Variants in DDX47 observed in about 807,000 individuals in gnomAD.
The protein encoded by DDX47 is DEAD-box helicase 47.
A neutral mutation model predicts 58.8 loss-of-function variants in DDX47; 60 were observed. That is an observed-to-expected ratio of 1.02 (90% CI 0.83 to 1.26). DDX47 has a LOEUF of 1.26. DDX47 is among the 50% of genes most tolerant of loss of function. DDX47 has a pLI of 0.00. For synonymous variants in DDX47, 197 were observed against 204.6 expected, an observed-to-expected ratio of 0.96 and a Z score of 0.32; for missense variants, 530 against 573.2, an observed-to-expected ratio of 0.92 and a Z score of 0.77.
intron 4 of DDX47, 58 bp downstream of exon 4, chr12:12,821,784 A>T: frequency 1.4e-6 from 2 of 1,387,742 alleles, no homozygotes; most frequent in Non-Finnish European, 2.0e-6. Context: ...AAAATCTACC[A>T]GTGTTGGATA....
At chr12:12,826,157 A>G (rs1429064476) in intron 10 of DDX47, 87 bp downstream of exon 10, 2 of 1,056,326 alleles carry the variant, frequency 1.9e-6, no homozygotes, top group Non-Finnish European at 2.8e-6. Context: ...ACTACCATTT[A>G]CTACACTAAT....
intron 1 of DDX47, among the ~76,000 whole-genome samples, chr12:12,813,928 CT>C (rs1352271860): frequency 6.6e-6 from 1 of 152,170 alleles, no homozygotes; most frequent in Non-Finnish European, 1.5e-5. Flanking sequence ...AGCACCTGGC[CT>C]TGGCCTTGGT....
rs749342404 is a variant in DDX47 at position 12,829,478 on chromosome 12, A to C, written c.1292A>C (p.Asn431Thr). ...KKRSREDAGD[N>T]DDTEGAIGVR... ...CGCTCGCGAGAGGATGCTGGAGATA[A>C]TGATGACACAGAGGGTGCTATTGGT... is the stretch of plus-strand genomic sequence containing the variant. Residue 431 changes from asparagine (N) to threonine (T), a missense_variant, in exon 12 of 12, where the codon AAT (asparagine) becomes ACT (threonine). Physicochemically the swap from Asn to Thr is moderately conservative, Grantham distance 65. Coordinates refer to ENST00000358007, the MANE Select transcript of DDX47 (RefSeq NM_016355.4). The C allele has an allele frequency of 2.5e-5, 41 of 1,613,924 alleles. No individual in the cohort carries two copies. Among genetic ancestry groups the C allele is most frequent in the Non-Finnish European group, 3.4e-5 (40 of 1,179,962 alleles).
chr12:12,822,599 G>C, intron 5 of DDX47, 62 bp from the exon 6 acceptor site: 2 of 1,389,590 alleles, frequency 1.4e-6, no homozygotes, highest in Non-Finnish European at 2.0e-6. Flanking sequence ...TCACTACCTA[G>C]AGGATTTGCA....
chr12:12,825,186 C>T (rs1215483264), intron 9 of DDX47: 1 of 153,290 alleles, frequency 6.5e-6, no homozygotes, highest in East Asian at 1.9e-4. Context: ...TCAGGACGGT[C>T]TTGATCTCCT....
Position 12,814,230 on chromosome 12 carries a change from T to A in DDX47, c.181+6T>A. ...TATTCCTTTGGCCTTACAAGGTAGG[T>A]TGTATGACTTCGTACAGATTTAATA... On this transcript the variant is annotated splice_donor_region_variant and intron_variant, in intron 2 of 11. Coordinates refer to ENST00000358007, the MANE Select transcript of DDX47 (RefSeq NM_016355.4). 6.4e-7 allele frequency: 1 copy of A among 1,564,738 alleles called. No homozygotes were observed. Among genetic ancestry groups the A allele is most frequent in the East Asian group, 2.2e-5 (1 of 44,522 alleles).
intron 2 of DDX47, 36 bp downstream of exon 2, chr12:12,814,260 G>T (rs767720396): frequency 7.5e-7 from 1 of 1,330,870 alleles, no homozygotes; most frequent in East Asian, 2.3e-5. Flanking sequence ...TTAATATAAA[G>T]TTATCTCAAT....
intron 2 of DDX47, among the ~76,000 whole-genome samples, chr12:12,818,770 G>A (rs117197894): frequency 0.038 from 5,806 of 152,186 alleles, 126 homozygotes; most frequent in Non-Finnish European, 0.058. Context: ...GGCAGGAGGC[G>A]AAAGGCACTT....
chr12:12,821,403 G>A lies in DDX47; in HGVS notation c.370+7G>A. 6.2e-7 allele frequency: 1 copy of A among 1,614,136 alleles called. No homozygotes were observed. The highest frequency in any genetic ancestry group is 8.5e-7 in the Non-Finnish European group (1 of 1,179,974). ...TCTATTGGAGTGCAGAGTGGTAAGT[G>A]TCTGAGAGGGAAGGGATCCTAGGTT... On this transcript the variant is annotated splice_region_variant and intron_variant, in intron 3 of 11. Transcript: ENST00000358007.
intron 9 of DDX47, among the ~76,000 whole-genome samples, chr12:12,825,471 C>G (rs6488559): frequency 0.52 from 79,200 of 151,886 alleles, 21,506 homozygotes; most frequent in East Asian, 0.74. Context: ...TACCAGTGTC[C>G]CTTGAGGATG....
rs1436890289 is a variant in DDX47, at chr12:12,822,071, T to C, written c.549T>C (p.Asp183=). 6.2e-7 allele frequency: 1 copy of C among 1,610,736 alleles called. No homozygotes were observed. Residue 183 remains aspartate (D), a synonymous_variant, in exon 5 of 12, where the codon GAT becomes GAC. Transcript: ENST00000358007. The part of the protein sequence containing the change: ...MDEADRILNM[D]FETEVDKILK... ...AAGCCGACCGAATACTGAATATGGATTTTGAGACAGAGGTGAGCTCTCAAT... is the reference window on the plus strand; with the variant it reads ...AAGCCGACCGAATACTGAATATGGACTTTGAGACAGAGGTGAGCTCTCAAT...
chr12:12,825,956 T>C, intron 9 of DDX47, 44 bp from the exon 10 acceptor site: 2 of 1,514,126 alleles, frequency 1.3e-6, no homozygotes, highest in African/African-American at 2.8e-5. Flanking sequence ...TTTTTTAAAC[T>C]TATAATCCAT....
At chr12:12,822,632 A>T (rs1436796915) in intron 5 of DDX47, 29 bp from the exon 6 acceptor site, 3 of 1,597,578 alleles carry the variant, frequency 1.9e-6, no homozygotes, top group Non-Finnish European at 2.6e-6. Context: ...TGAATATCAT[A>T]TTGGCATCTT....
In DDX47 at chr12:12,814,237, A is replaced by C; in HGVS notation, c.181+13A>C. 1 of 1,512,786 alleles carries C rather than the reference A, an allele frequency of 6.6e-7. No individual in the cohort carries two copies. Among genetic ancestry groups the C allele is most frequent in the Non-Finnish European group, 9.2e-7 (1 of 1,088,106 alleles). The allele number at this position is 1,512,786 out of a possible 1,614,324, so 93.7% of individuals were successfully genotyped here. A position where few individuals can be genotyped will look rare whatever the true frequency, so the allele number is the denominator to read the frequency against. On this transcript the variant is annotated intron_variant, in intron 2 of 11. Coordinates refer to ENST00000358007, the MANE Select transcript of DDX47 (RefSeq NM_016355.4). ...TTGGCCTTACAAGGTAGGTTGTATG[A>C]CTTCGTACAGATTTAATATAAAGTT...
Position 12,826,046 on chromosome 12 carries a change from G to C in DDX47, c.1082G>C (p.Gly361Ala). ...VGRTARAGRS[G>A]KAITFVTQYD... ...CGAACAGCTAGAGCTGGGCGCTCCG[G>C]AAAGGCTATTACTTTTGTCACACAG... Residue 361 changes from glycine (G) to alanine (A), a missense_variant, in exon 10 of 12, where the codon GGA becomes GCA. Coordinates refer to ENST00000358007, the MANE Select transcript of DDX47 (RefSeq NM_016355.4). 6.2e-7 allele frequency: 1 copy of C among 1,613,824 alleles called. No individual in the cohort carries two copies.
At chr12:12,822,779 ATAAAG>A (rs1565447437) in intron 6 of DDX47, 47 bp downstream of exon 6, 1 of 1,460,462 alleles carries the variant, frequency 6.8e-7, no homozygotes, top group South Asian at 1.1e-5. Context: ...GAATTGATAC[ATAAAG>A]TAAATAGTAA....
At chr12:12,814,099 C>T in intron 1 of DDX47, 32 bp from the exon 2 acceptor site, 1 of 1,449,482 alleles carries the variant, frequency 6.9e-7, no homozygotes, top group Non-Finnish European at 9.7e-7. Flanking sequence ...GTGTGCTGTT[C>T]TTGGCTAAGG....
Position 12,822,005 on chromosome 12 carries a change from A to G in DDX47, c.483A>G (p.Lys161=), listed in dbSNP as rs375208102. Residue 161 remains lysine (K), a synonymous_variant, in exon 5 of 12, where the codon AAA becomes AAG. Transcript: ENST00000358007. ...GRLIDHLENT[K]GFNLRALKYL... is the part of the protein sequence containing the mutation. ...TGATTGACCACTTGGAAAATACGAAAGGTTTCAACTTGAGAGCTCTCAAAT... is the reference window on the plus strand; with the variant it reads ...TGATTGACCACTTGGAAAATACGAAGGGTTTCAACTTGAGAGCTCTCAAAT... 1 of 1,613,862 alleles carries G rather than the reference A, an allele frequency of 6.2e-7. No homozygotes were observed. Among genetic ancestry groups the G allele is most frequent in the African/African-American group, 1.3e-5 (1 of 74,874 alleles).
intron 8 of DDX47, chr12:12,824,219 T>C (rs916019678): frequency 6.2e-6 from 4 of 649,078 alleles, no homozygotes; most frequent in Non-Finnish European, 9.9e-6. Context: ...ATATTTCATA[T>C]GTACCTGTCT....
Sources: gnomAD v4.1 joint callset for allele counts (sites outside exome capture counted in the v4.1 genomes callset) on GRCh38, gnomAD v4.1.1 for gene constraint, MANE v1.5 for transcripts, NCBI Gene and HGNC (gene_info 2026-07-23, HGNC 2026-07-21) for gene names.